CNTLN: variants seen among roughly 807,000 people sequenced by gnomAD.
The protein encoded by CNTLN is centlein.
In CNTLN, 212 loss-of-function variants were observed where a neutral mutation model predicts 180.0. The observed-to-expected ratio is 1.18, with a 90% CI of 1.05 to 1.32. CNTLN has a LOEUF of 1.32. CNTLN is among the 40% of genes most tolerant of loss of function. The pLI, the probability that CNTLN is intolerant of heterozygous loss-of-function variation, is 0.00. For missense variants in CNTLN, 2,095 were observed against 1,610.9 expected, an observed-to-expected ratio of 1.30 and a Z score of -5.14; for synonymous variants, 722 against 563.1, an observed-to-expected ratio of 1.28 and a Z score of -3.99.
chr9:17,246,826 A>C (rs1039754498), intron 5 of CNTLN, among the ~76,000 whole-genome samples: 1 of 152,004 alleles, frequency 6.6e-6, no homozygotes, highest in Non-Finnish European at 1.5e-5. Context: ...CCATCACCCA[A>C]GGGCTCTTTA....
At chr9:17,510,801 A>G in the CNTLN span, among the ~76,000 whole-genome samples, 1 of 152,174 alleles carries the variant, frequency 6.6e-6, no homozygotes, top group African/African-American at 2.4e-5. Context: ...TAATACACCA[A>G]GTTTTGGCTA....
At chr9:17,256,783 T>C (rs1431630052) in intron 5 of CNTLN, among the ~76,000 whole-genome samples, 1 of 151,880 alleles carries the variant, frequency 6.6e-6, no homozygotes, top group Admixed American at 6.6e-5. Context: ...TGGGGATTTC[T>C]TTATCCAGTT....
intron 15 of CNTLN, among the ~76,000 whole-genome samples, chr9:17,400,282 C>T (rs114391606): frequency 0.039 from 5,933 of 152,134 alleles, 186 homozygotes; most frequent in East Asian, 0.17. Flanking sequence ...GGAATACCGG[C>T]GCACACCACA....
chr9:17,322,009 A>G (rs1436361129), intron 8 of CNTLN, among the ~76,000 whole-genome samples: 1 of 152,134 alleles, frequency 6.6e-6, no homozygotes, highest in Non-Finnish European at 1.5e-5. Context: ...TTTCGAGTTT[A>G]TATGTGTAAA....
chr9:17,228,782 C>T (rs1824635775), intron 3 of CNTLN, among the ~76,000 whole-genome samples: 1 of 152,008 alleles, frequency 6.6e-6, no homozygotes, highest in African/African-American at 2.4e-5. Context: ...TAAATGGAAC[C>T]ATAAGGACTT....
At chr9:17,479,721 A>G (rs1177601111) in intron 23 of CNTLN, among the ~76,000 whole-genome samples, 1 of 152,178 alleles carries the variant, frequency 6.6e-6, no homozygotes, top group African/African-American at 2.4e-5. Flanking sequence ...AGAAAAATTC[A>G]TGAAGGAAAT....
At chr9:17,176,134 A>G (rs1214105925) in intron 2 of CNTLN, among the ~76,000 whole-genome samples, 1 of 152,010 alleles carries the variant, frequency 6.6e-6, no homozygotes, top group Non-Finnish European at 1.5e-5. Context: ...ATTTTCCAGT[A>G]CTATGTTGAG....
chr9:17,465,166 C>A (rs1430609556), intron 21 of CNTLN, among the ~76,000 whole-genome samples: 1 of 148,414 alleles, frequency 6.7e-6, no homozygotes. Context: ...ACTCATAAAG[C>A]ACCCTGTGCT....
chr9:17,142,397 C>T (rs1343653376), intron 1 of CNTLN, among the ~76,000 whole-genome samples: 3 of 151,938 alleles, frequency 2.0e-5, no homozygotes, highest in Non-Finnish European at 2.9e-5. Flanking sequence ...GAATAGATGG[C>T]AGTATCAATT....
intron 2 of CNTLN, among the ~76,000 whole-genome samples, chr9:17,177,550 T>G (rs1161833621): frequency 1.3e-5 from 2 of 152,144 alleles, no homozygotes; most frequent in Admixed American, 1.3e-4. Context: ...TGTCCGAAGT[T>G]TGTTCCTTCT....
intron 5 of CNTLN, among the ~76,000 whole-genome samples, chr9:17,270,212 A>G (rs1161207966): frequency 1.3e-5 from 2 of 152,126 alleles, no homozygotes; most frequent in African/African-American, 2.4e-5. Context: ...TGATTTTTTA[A>G]TGAACATTTC....
chr9:17,312,363 A>T (rs1489599953), intron 8 of CNTLN, among the ~76,000 whole-genome samples: 26 of 15,136 alleles, frequency 1.7e-3, no homozygotes, highest in East Asian at 6.9e-3. Context: ...ATATATATAT[A>T]TTATATATAT....
chr9:17,472,500 C>T (rs1832088530), intron 23 of CNTLN, among the ~76,000 whole-genome samples: 1 of 152,118 alleles, frequency 6.6e-6, no homozygotes, highest in African/African-American at 2.4e-5. Context: ...CCTTTCTATT[C>T]TTCAGCATCC....
At chr9:17,327,212 C>A (rs1236731905) in intron 8 of CNTLN, among the ~76,000 whole-genome samples, 2 of 99,130 alleles carry the variant, frequency 2.0e-5, no homozygotes, top group African/African-American at 3.2e-5. Flanking sequence ...TAGTAGTTAA[C>A]CTTTTTTTTT....
intron 6 of CNTLN, among the ~76,000 whole-genome samples, chr9:17,277,843 T>C (rs1828411603): frequency 6.6e-6 from 1 of 151,956 alleles, no homozygotes; most frequent in African/African-American, 2.4e-5. Context: ...TTGAGAAAAA[T>C]AGAAGGTGTA....
chr9:17,295,854 A>C (rs1046048759), intron 6 of CNTLN, among the ~76,000 whole-genome samples: 1 of 152,054 alleles, frequency 6.6e-6, no homozygotes, highest in Non-Finnish European at 1.5e-5. Context: ...AATTCCACTT[A>C]TTGAGAGCAT....
In CNTLN at chr9:17,309,128, C is replaced by A; in HGVS notation, c.1217C>A (p.Thr406Asn). 2 of 1,609,832 alleles carry A rather than the reference C, an allele frequency of 1.2e-6. No individual in the cohort carries two copies. Among genetic ancestry groups the A allele is most frequent in the South Asian group, 1.1e-5 (1 of 90,320 alleles). The change falls in exon 8 of 26, where the codon ACT becomes AAT. Residue 406 changes from threonine to asparagine, a missense_variant. Transcript: ENST00000380647. ...SNEAMLRQSV[T>N]NLQDQLLQKE... ...GAAGCTATGCTCCGGCAAAGTGTTA[C>A]TAATCTTCAGGATCAGCTATTACAA...
chr9:17,486,285 C>A (rs199928034), intron 24 of CNTLN, among the ~76,000 whole-genome samples: 1 of 54,224 alleles, frequency 1.8e-5, no homozygotes, highest in South Asian at 1.4e-3. Context: ...TGATGCCTGC[C>A]ATACAGTAAA....
At chr9:17,366,109 G>A (rs1823795577) in intron 12 of CNTLN, among the ~76,000 whole-genome samples, 1 of 152,010 alleles carries the variant, frequency 6.6e-6, no homozygotes, top group Non-Finnish European at 1.5e-5. Context: ...TAGTTTTTTG[G>A]ATTTGGGCAT....
Sources: allele counts gnomAD v4.1 joint callset (sites outside exome capture counted in the v4.1 genomes callset), GRCh38; gene constraint gnomAD v4.1.1; transcripts MANE v1.5; gene names NCBI Gene and HGNC (gene_info 2026-07-23, HGNC 2026-07-21).